Variants in LNX1 observed in about 807,000 individuals in gnomAD.
LNX1 encodes ligand of numb-protein X 1.
LNX1 carries 54 observed loss-of-function variants against 68.4 expected under a neutral mutation model. The observed-to-expected ratio is 0.79, with a 90% CI of 0.63 to 0.99. The LOEUF (loss-of-function observed/expected upper bound fraction) is 0.99, where lower values mean the gene tolerates loss of function less well. Among genes scored for constraint, LNX1 ranks in the 50% least tolerant of loss-of-function variants. The probability of loss-of-function intolerance (pLI) is 0.00; values close to 1 mark genes in which losing one functional copy is unlikely to be tolerated. For synonymous variants in LNX1, 336 were observed against 350.0 expected (o/e 0.96, Z 0.45); for missense variants, 906 against 926.4 (o/e 0.98, Z 0.29).
chr4:53,619,349 C>T (rs1182816151), upstream of LNX1, among the ~76,000 whole-genome samples: 5 of 152,290 alleles, frequency 3.3e-5, no homozygotes, highest in African/African-American at 1.2e-4. Flanking sequence ...TACCCCATTC[C>T]CTCATTCCCT....
intron 2 of LNX1, among the ~76,000 whole-genome samples, chr4:53,513,361 G>A (rs1726510427): frequency 6.6e-6 from 1 of 152,120 alleles, no homozygotes; most frequent in Non-Finnish European, 1.5e-5. Context: ...CAGTAGAAGG[G>A]AGAAATGCCT....
At chr4:53,565,342 T>C (rs1391620195) in intron 2 of LNX1, among the ~76,000 whole-genome samples, 1 of 152,026 alleles carries the variant, frequency 6.6e-6, no homozygotes, top group Non-Finnish European at 1.5e-5. Context: ...CCCTGACCCC[T>C]GACCCCCGAG....
At chr4:53,532,042 C>A (rs974186319) in intron 2 of LNX1, among the ~76,000 whole-genome samples, 5 of 152,146 alleles carry the variant, frequency 3.3e-5, no homozygotes, top group Admixed American at 6.6e-5. Context: ...AGCTGACACC[C>A]CAAGCATCTA....
Position 53,540,736 on chromosome 4 carries a change from T to C in LNX1, c.381-32509A>G, listed in dbSNP as rs149558702. On this transcript the variant is annotated intron_variant, in intron 2 of 10. Coordinates refer to ENST00000263925, the MANE Select transcript of LNX1 (RefSeq NM_001126328.3). ...CCCCTGTTATTATTATAAACAGAGC[T>C]ACAGACTGTGTAGACATCGACACAG... 6.4e-3 allele frequency among the ~76,000 whole-genome samples: 973 copies of C among 152,244 alleles called. 8 individuals are homozygous for C. The highest frequency in any genetic ancestry group is 0.02 in the Middle Eastern group (6 of 294).
chr4:53,463,291 CAA>C (rs980974441), intron 9 of LNX1, among the ~76,000 whole-genome samples: 9 of 152,094 alleles, frequency 5.9e-5, no homozygotes, highest in Non-Finnish European at 8.8e-5. Flanking sequence ...GATGTTTAAA[CAA>C]AACACAAAAT....
At chr4:53,619,414 A>G (rs1039321490), upstream of LNX1, among the ~76,000 whole-genome samples, 1 of 152,080 alleles carries the variant, frequency 6.6e-6, no homozygotes, top group East Asian at 1.9e-4. Flanking sequence ...GAATTTGCCT[A>G]TTTTGGACAT....
chr4:53,634,119 A>T (rs1410350775), intron 1 of LNX1, among the ~76,000 whole-genome samples: 2 of 152,210 alleles, frequency 1.3e-5, no homozygotes, highest in Non-Finnish European at 1.5e-5. Flanking sequence ...GAAGACAGGA[A>T]ATCTCAAAGT....
At chr4:53,620,358 A>T (rs1733822621), upstream of LNX1, among the ~76,000 whole-genome samples, 1 of 152,232 alleles carries the variant, frequency 6.6e-6, no homozygotes, top group South Asian at 2.1e-4. Context: ...AGATGTAGTG[A>T]ATTACAAATG....
chr4:53,640,935 C>T lies in LNX1; in HGVS notation c.-215+11233G>A, dbSNP rs750150164. Among the ~76,000 whole-genome samples, 6 of 152,298 alleles carry T rather than the reference C, an allele frequency of 3.9e-5. 1 individual carries two copies. Among genetic ancestry groups the T allele is most frequent in the Middle Eastern group, 6.8e-3 (2 of 292 alleles). On this transcript the variant is annotated intron_variant, in intron 1 of 2. Coordinates refer to the LNX1 transcript ENST00000507168. Reference sequence around the variant, plus strand: ...TTCTCAGTCTCGTCGGCAGTCCTTCCGGGGCCTTCCTCAATCCCTGGCCGG... The same window carrying T: ...TTCTCAGTCTCGTCGGCAGTCCTTCTGGGGCCTTCCTCAATCCCTGGCCGG...
At chr4:53,544,513 T>C (rs894949893) in intron 2 of LNX1, among the ~76,000 whole-genome samples, 2 of 152,122 alleles carry the variant, frequency 1.3e-5, no homozygotes, top group Non-Finnish European at 2.9e-5. Flanking sequence ...CTGATTTCTT[T>C]TGTGATGTTA....
At position 53,498,757 on chromosome 4, in the gene LNX1, T is replaced by C. The variant is rs926961256; in HGVS notation, c.862A>G (p.Ile288Val). ...GTTTCGCTACCTCCCACCAGCCTAA[T>C]AGAGAGGCTTTCACTGGGATCTACT... ...NRVDPSESLS[I>V]RLVGGSETPL... The change falls in exon 5 of 11, where the codon ATT (isoleucine) becomes GTT (valine). Residue 288 changes from isoleucine to valine, a missense_variant. Ile to Val is a conservative substitution (Grantham distance 29). Transcript: ENST00000263925. The C allele has an allele frequency of 2.5e-6, 4 of 1,613,694 alleles. No homozygotes were observed. The highest frequency in any genetic ancestry group is 2.2e-5 in the South Asian group (2 of 91,078).
At chr4:53,508,480 C>A in intron 2 of LNX1, 1 of 450,708 alleles carries the variant, frequency 2.2e-6, no homozygotes, top group Non-Finnish European at 4.0e-6. Context: ...TCTACATTGG[C>A]TGCTGGAATG....
At chr4:53,618,424 T>C (rs1259643745), upstream of LNX1, among the ~76,000 whole-genome samples, 1 of 152,218 alleles carries the variant, frequency 6.6e-6, no homozygotes, top group Non-Finnish European at 1.5e-5. Context: ...CTCTTTGAGA[T>C]AACAAAGCTC....
chr4:53,580,660 G>T (rs1223830707), intron 1 of LNX1, among the ~76,000 whole-genome samples: 1 of 152,170 alleles, frequency 6.6e-6, no homozygotes, highest in African/African-American at 2.4e-5. Context: ...AAAAGCAATG[G>T]CTATGAATGA....
At chr4:53,484,521 G>A (rs796248136) in intron 6 of LNX1, among the ~76,000 whole-genome samples, 29 of 151,858 alleles carry the variant, frequency 1.9e-4, no homozygotes, top group African/African-American at 6.3e-4. Context: ...CGAGATTGTG[G>A]CACTGCACTC....
At position 53,478,591 on chromosome 4, in the gene LNX1, A is replaced by G; in HGVS notation, c.1637T>C (p.Ile546Thr). 6.2e-7 allele frequency: 1 copy of G among 1,613,128 alleles called. No homozygotes were observed. The highest frequency in any genetic ancestry group is 8.5e-7 in the Non-Finnish European group (1 of 1,179,524). ...YVISVEPGGV[I>T]SRDGRIKTGD... The stretch of plus-strand genomic sequence containing the variant: ...TGTTTTTATTCTTCCATCTCTGCTT[A>G]TGACTCCTCCGGGCTCAACACTGAT... The change falls in exon 8 of 11, where the codon ATA (isoleucine) becomes ACA (threonine). Residue 546 changes from isoleucine (I) to threonine (T), a missense_variant. Coordinates refer to ENST00000263925, the MANE Select transcript of LNX1 (RefSeq NM_001126328.3).
At chr4:53,593,671 CTT>C (rs201491701), upstream of LNX1, among the ~76,000 whole-genome samples, 2 of 150,484 alleles carry the variant, frequency 1.3e-5, no homozygotes, top group African/African-American at 4.9e-5. Flanking sequence ...ATAATATGGG[CTT>C]TTTTTTTGGG....
chr4:53,637,298 A>G (rs1458673554), intron 1 of LNX1, among the ~76,000 whole-genome samples: 2 of 152,108 alleles, frequency 1.3e-5, no homozygotes, highest in Non-Finnish European at 2.9e-5. Flanking sequence ...TCTCTTTCCA[A>G]TGACACAAGA....
At chr4:53,565,080 T>G (rs4256279) in intron 2 of LNX1, among the ~76,000 whole-genome samples, 3 of 151,162 alleles carry the variant, frequency 2.0e-5, no homozygotes, top group Non-Finnish European at 3.0e-5. Flanking sequence ...GAGGGGCGCC[T>G]ACCATTGCCC....
Sources: gnomAD v4.1 joint callset for allele counts (sites outside exome capture counted in the v4.1 genomes callset) on GRCh38, gnomAD v4.1.1 for gene constraint, MANE v1.5 for transcripts, NCBI Gene and HGNC (gene_info 2026-07-23, HGNC 2026-07-21) for gene names.